The following LAMB4 variants were observed in gnomAD, a reference collection of about 807,000 sequenced individuals.
LAMB4 encodes laminin subunit beta 4, also known as laminin subunit beta-4.
LAMB4 carries 196 observed loss-of-function variants against 199.2 expected under a neutral mutation model. That is an observed-to-expected ratio of 0.98 (90% CI 0.88 to 1.11). LAMB4 has a LOEUF of 1.11. LAMB4 is among the 50% of genes least tolerant of loss of function. The pLI is 0.00. For missense variants in LAMB4, 2,080 were observed against 2,171.2 expected (o/e 0.96, Z 0.83); for synonymous variants, 744 against 770.6 (o/e 0.97, Z 0.57).
intron 1 of LAMB4, among the ~76,000 whole-genome samples, chr7:108,126,637 T>TC (rs1163669065): frequency 1.5e-3 from 201 of 132,638 alleles, no homozygotes; most frequent in African/African-American, 5.4e-3. Context: ...CAATCTCGGC[T>TC]CACTGCAAGC....
At chr7:108,069,454 TC>T (rs1563064170) in intron 18 of LAMB4, among the ~76,000 whole-genome samples, 1 of 152,222 alleles carries the variant, frequency 6.6e-6, no homozygotes, top group Non-Finnish European at 1.5e-5. Flanking sequence ...GCCCTAGAAT[TC>T]CAAATGAATA....
At chr7:108,083,961 G>C (rs2037061485) in intron 14 of LAMB4, among the ~76,000 whole-genome samples, 2 of 152,334 alleles carry the variant, frequency 1.3e-5, no homozygotes, top group South Asian at 4.1e-4. Context: ...TCACAAGAAG[G>C]AATTATCATA....
At chr7:108,058,428 C>T (rs921890171) in intron 23 of LAMB4, among the ~76,000 whole-genome samples, 5 of 152,200 alleles carry the variant, frequency 3.3e-5, no homozygotes, top group African/African-American at 9.6e-5. Flanking sequence ...ATGAGAGTTA[C>T]TTAACTGTGT....
At chr7:108,013,607 G>A in the LAMB4 span, among the ~76,000 whole-genome samples, 19 of 152,250 alleles carry the variant, frequency 1.2e-4, no homozygotes, top group Admixed American at 5.2e-4. Flanking sequence ...TCACCTCATC[G>A]TAATGAGGCT....
rs200078120 is a variant in LAMB4, at chr7:108,025,363, ATTCT to A, written c.5147-1189_5147-1186del. Among the ~76,000 whole-genome samples the A allele has an allele frequency of 3.2e-3, 432 of 135,232 alleles. 17 individuals are homozygous for A. The highest frequency in any genetic ancestry group is 0.011 in the Middle Eastern group (3 of 282). 88.7% of individuals were successfully genotyped at this position (135,232 alleles called of 152,430 possible). A position where few individuals can be genotyped will look rare whatever the true frequency, so the allele number is the denominator to read the frequency against. Reference sequence around the variant, plus strand: ...AAGGTGGTGAGTGTTCTGTCACTAGATTCTTTCTTTCTTTCTTTTCTTTTCTTTT... The same window carrying A: ...AAGGTGGTGAGTGTTCTGTCACTAGATTCTTTCTTTCTTTTCTTTTCTTTT... On this transcript the variant is annotated intron_variant, in intron 33 of 33. Transcript: ENST00000388781.
At chr7:108,120,935 TC>T (rs1339059546) in intron 2 of LAMB4, among the ~76,000 whole-genome samples, 2 of 152,216 alleles carry the variant, frequency 1.3e-5, no homozygotes, top group African/African-American at 4.8e-5. Context: ...TAACTATTAT[TC>T]CTGTAACATT....
chr7:108,097,524 G>T (rs1221537697), intron 11 of LAMB4, among the ~76,000 whole-genome samples: 1 of 152,202 alleles, frequency 6.6e-6, no homozygotes, highest in Non-Finnish European at 1.5e-5. Flanking sequence ...GGCGGCTCAC[G>T]CCTGTAATCC....
chr7:108,042,645 G>A (rs1256443912), intron 29 of LAMB4, among the ~76,000 whole-genome samples: 2 of 151,974 alleles, frequency 1.3e-5, no homozygotes, highest in Admixed American at 6.6e-5. Context: ...TTTGTCAAAG[G>A]TAATTTCCAC....
At chr7:108,014,723 T>G in the LAMB4 span, among the ~76,000 whole-genome samples, 209 of 152,178 alleles carry the variant, frequency 1.4e-3, no homozygotes, top group Admixed American at 2.0e-3. Context: ...GTTGTTGTTT[T>G]TTTTTTTTTT....
chr7:108,116,004 C>T lies in LAMB4; in HGVS notation c.192G>A (p.Glu64=), dbSNP rs778358316. 3 of 1,609,642 alleles carry T rather than the reference C, an allele frequency of 1.9e-6. No individual in the cohort carries two copies. Among genetic ancestry groups the T allele is most frequent in the East Asian group, 2.2e-5 (1 of 44,792 alleles). The change falls in exon 3 of 34, where the codon GAG becomes GAA. Residue 64 remains glutamate (E), a splice_region_variant and synonymous_variant. Transcript: ENST00000388781. ...GCAAATAAACAAAGAGCCAACCCAC[C>T]TCCAGGTAACTGAGGATGCAGTATT... ...AQKYCILSYL[E]GEQKCFICDS...
intron 16 of LAMB4, among the ~76,000 whole-genome samples, chr7:108,077,273 G>A (rs1358357504): frequency 6.6e-6 from 1 of 152,136 alleles, no homozygotes; most frequent in African/African-American, 2.4e-5. Flanking sequence ...ACAGGATTGT[G>A]CCAAGTAGCA....
In LAMB4 at chr7:108,024,079, A is replaced by G. The variant is rs376112908; in HGVS notation, c.5246T>C (p.Ile1749Thr). Residue 1749 changes from isoleucine to threonine, a missense_variant, in exon 34 of 34, where the codon ATT becomes ACT. By Grantham distance (89) the Ile-to-Thr change is moderately conservative. Transcript: ENST00000388781. ...EDQVVAIKNE[I>T]VEQEKKYARC... is the part of the protein sequence containing the mutation. ...AGCATATTTTTTTTCTTGTTCAACA[A>G]TTTCATTTTTAATGGCAACAACTTG... The G allele has an allele frequency of 1.2e-6, 2 of 1,608,852 alleles. No homozygotes were observed. Among genetic ancestry groups the G allele is most frequent in the Admixed American group, 1.7e-5 (1 of 59,194 alleles).
intron 17 of LAMB4, among the ~76,000 whole-genome samples, chr7:108,071,802 A>G (rs554505027): frequency 1.3e-5 from 2 of 152,326 alleles, no homozygotes; most frequent in South Asian, 4.1e-4. Context: ...ATGGCCCAGC[A>G]TCCACTCTTG....
intron 9 of LAMB4, 147 bp downstream of exon 9, chr7:108,104,352 G>T: frequency 3.7e-6 from 3 of 810,080 alleles, no homozygotes; most frequent in Admixed American, 3.1e-5. Flanking sequence ...TGGGATAATT[G>T]GGAACACTGG....
At chr7:108,123,067 C>A in intron 2 of LAMB4, 64 bp downstream of exon 2, 1 of 1,382,836 alleles carries the variant, frequency 7.2e-7, no homozygotes, top group Non-Finnish European at 1.0e-6. Context: ...TGTTTAAAAA[C>A]TATTTCCATT....
chr7:108,024,652 C>G (rs997750313), intron 33 of LAMB4, among the ~76,000 whole-genome samples: 1 of 152,124 alleles, frequency 6.6e-6, no homozygotes, highest in Admixed American at 6.5e-5. Flanking sequence ...TGGCTTCACT[C>G]CTATCCATCC....
chr7:108,042,272 T>C (rs1414090571), intron 29 of LAMB4, among the ~76,000 whole-genome samples: 1 of 152,142 alleles, frequency 6.6e-6, no homozygotes, highest in Non-Finnish European at 1.5e-5. Flanking sequence ...GTTGTAATGA[T>C]AGTTCTTTAT....
intron 2 of LAMB4, 101 bp from the exon 3 acceptor site, chr7:108,116,262 T>C (rs894770544): frequency 1.7e-5 from 19 of 1,147,232 alleles, no homozygotes; most frequent in Non-Finnish European, 2.3e-5. Flanking sequence ...ATTTATTTAA[T>C]ATTGGCCAAA....
chr7:108,031,479 G>C (rs984097315), intron 31 of LAMB4, among the ~76,000 whole-genome samples: 1 of 150,900 alleles, frequency 6.6e-6, no homozygotes, highest in African/African-American at 2.4e-5. Context: ...GGCCCTCAGC[G>C]TACCACTCCC....
Sources: gnomAD v4.1 joint callset for allele counts (sites outside exome capture counted in the v4.1 genomes callset) on GRCh38, gnomAD v4.1.1 for gene constraint, MANE v1.5 for transcripts, NCBI Gene and HGNC (gene_info 2026-07-23, HGNC 2026-07-21) for gene names.